CAMK2B: variants seen among roughly 807,000 people sequenced by gnomAD.
The protein encoded by CAMK2B is calcium/calmodulin dependent protein kinase II beta.
A neutral mutation model predicts 93.7 loss-of-function variants in CAMK2B; 27 were observed. The observed-to-expected ratio is 0.29, with a 90% confidence interval of 0.21 to 0.40. The LOEUF (loss-of-function observed/expected upper bound fraction) is 0.40. CAMK2B is among the 10% of genes least tolerant of loss of function. CAMK2B has a pLI of 1.00. For missense variants in CAMK2B, 568 were observed against 895.8 expected (o/e 0.63, Z 4.67); for synonymous variants, 374 against 358.8 (o/e 1.04, Z -0.48).
chr7:44,320,760 G>A (rs1363810691), intron 1 of CAMK2B, among the ~76,000 whole-genome samples: 8 of 152,222 alleles, frequency 5.3e-5, no homozygotes, highest in Admixed American at 5.2e-4. Flanking sequence ...ATCAAGACCA[G>A]GAGGACTCTT....
intron 1 of CAMK2B, among the ~76,000 whole-genome samples, chr7:44,313,912 A>T (rs1563108790): frequency 6.6e-6 from 1 of 151,732 alleles, no homozygotes; most frequent in Non-Finnish European, 1.5e-5. Flanking sequence ...TTGCGAAGAC[A>T]CTTCGCAGCA....
intron 6 of CAMK2B, among the ~76,000 whole-genome samples, chr7:44,244,215 T>G (rs1196413575): frequency 1.3e-5 from 2 of 152,042 alleles, no homozygotes; most frequent in African/African-American, 4.8e-5. Context: ...TATCCACAGG[T>G]TGGGGGGTTA....
intron 4 of CAMK2B, among the ~76,000 whole-genome samples, chr7:44,254,948 A>G (rs1037742569): frequency 2.5e-4 from 38 of 151,648 alleles, no homozygotes; most frequent in Non-Finnish European, 4.1e-4. Context: ...AATTTCAAAG[A>G]TTTGGTGACT....
intron 19 of CAMK2B, among the ~76,000 whole-genome samples, chr7:44,228,222 G>T (rs1259295623): frequency 6.6e-6 from 1 of 152,044 alleles, no homozygotes; most frequent in Admixed American, 6.5e-5. Flanking sequence ...CATGAGGACA[G>T]CCCAGGTCAG....
At chr7:44,285,894 C>T (rs1319485014) in intron 1 of CAMK2B, among the ~76,000 whole-genome samples, 4 of 148,524 alleles carry the variant, frequency 2.7e-5, no homozygotes, top group African/African-American at 1.0e-4. Flanking sequence ...CGGGGGGGCA[C>T]GGTGAGGTGT....
In CAMK2B at chr7:44,263,204, C is replaced by T. The variant is rs2096895004; in HGVS notation, c.161-140G>A. ...GGTTGTGCCCCCACCAAGGGAACAC[C>T]CTTCGTGGCACCCCCTGGGCCACTG... On this transcript the variant is annotated intron_variant, in intron 2 of 23. Coordinates refer to ENST00000395749, the MANE Select transcript of CAMK2B (RefSeq NM_001220.5). The T allele has an allele frequency of 2.3e-5, 16 of 697,446 alleles. No individual in the cohort carries two copies. The South Asian group carries it at 3.7e-4, about 16-fold the overall frequency. The allele number at this position is 697,446 out of a possible 1,614,324, so 43.2% of individuals were successfully genotyped here.
intron 2 of CAMK2B, among the ~76,000 whole-genome samples, chr7:44,283,519 TGA>T (rs1368605446): frequency 1.3e-5 from 2 of 152,216 alleles, no homozygotes; most frequent in Non-Finnish European, 2.9e-5. Context: ...CCTGCACGTC[TGA>T]GAAGCCCTCC....
chr7:44,229,135 T>G lies in CAMK2B; in HGVS notation c.1340-211A>C, dbSNP rs1421043289. The G allele has an allele frequency of 4.7e-6, 3 of 637,522 alleles. No homozygotes were observed. The East Asian group carries it at 8.4e-5, about 18-fold the overall frequency. The allele number at this position is 637,522 out of a possible 1,614,324, so 39.5% of individuals were successfully genotyped here. A position where few individuals can be genotyped will look rare whatever the true frequency, so the allele number is the denominator to read the frequency against. ...CTGCACCGACCCTGAAGACTGGAAT[T>G]GAGGCCCGAGCCTCCAGGGCCTCCC... On this transcript the variant is annotated intron_variant, in intron 18 of 23. Coordinates refer to ENST00000395749, the MANE Select transcript of CAMK2B (RefSeq NM_001220.5).
chr7:44,292,695 A>T (rs557328683), intron 1 of CAMK2B, among the ~76,000 whole-genome samples: 62 of 152,274 alleles, frequency 4.1e-4, no homozygotes, highest in Non-Finnish European at 7.8e-4. Context: ...AACCTATTTG[A>T]CCATAGAAAT....
At chr7:44,272,647 A>C (rs920614781) in intron 2 of CAMK2B, among the ~76,000 whole-genome samples, 7 of 152,218 alleles carry the variant, frequency 4.6e-5, no homozygotes, top group Non-Finnish European at 8.8e-5. Flanking sequence ...ATGAACATGC[A>C]TGACGGAGCT....
chr7:44,222,184 G>C (rs182919816), intron 20 of CAMK2B, among the ~76,000 whole-genome samples: 1 of 152,206 alleles, frequency 6.6e-6, no homozygotes, highest in African/African-American at 2.4e-5. Context: ...ACCCCCAGAA[G>C]TGCACCGGAA....
intron 1 of CAMK2B, among the ~76,000 whole-genome samples, chr7:44,285,484 C>T (rs895200098): frequency 6.6e-6 from 1 of 152,290 alleles, no homozygotes; most frequent in African/African-American, 2.4e-5. Flanking sequence ...AAAGCTTCTT[C>T]GGCCTGGACA....
intron 6 of CAMK2B, among the ~76,000 whole-genome samples, chr7:44,246,784 C>T (rs972932166): frequency 2.0e-5 from 3 of 152,136 alleles, no homozygotes; most frequent in Non-Finnish European, 4.4e-5. Context: ...TATGTACACA[C>T]GAACCTCCAT....
chr7:44,251,848 C>A (rs970280587), intron 5 of CAMK2B, among the ~76,000 whole-genome samples: 1 of 152,150 alleles, frequency 6.6e-6, no homozygotes, highest in Non-Finnish European at 1.5e-5. Context: ...GTTTCTGGAA[C>A]CTGAACAGCC....
chr7:44,274,637 C>T (rs2097014433), intron 2 of CAMK2B, among the ~76,000 whole-genome samples: 1 of 152,248 alleles, frequency 6.6e-6, no homozygotes, highest in South Asian at 2.1e-4. Flanking sequence ...TCTTCTCCTC[C>T]CACCTGTTCA....
At chr7:44,246,068 C>T (rs759726642) in intron 6 of CAMK2B, among the ~76,000 whole-genome samples, 25 of 152,106 alleles carry the variant, frequency 1.6e-4, no homozygotes, top group East Asian at 1.9e-4. Context: ...AACCTTCTTC[C>T]GAACACAGCC....
At chr7:44,308,531 C>T (rs551206184) in intron 1 of CAMK2B, among the ~76,000 whole-genome samples, 1 of 152,198 alleles carries the variant, frequency 6.6e-6, no homozygotes, top group African/African-American at 2.4e-5. Flanking sequence ...TGCATCCCCC[C>T]ACTTCCTTGG....
chr7:44,310,907 A>C (rs2116135967), intron 1 of CAMK2B, among the ~76,000 whole-genome samples: 1 of 152,292 alleles, frequency 6.6e-6, no homozygotes, highest in East Asian at 1.9e-4. Context: ...ACTGCCACTG[A>C]ACTGTACACT....
intron 18 of CAMK2B, 53 bp from the exon 19 acceptor site, chr7:44,228,977 G>A (rs771544071): frequency 1.3e-6 from 2 of 1,588,626 alleles, no homozygotes; most frequent in Admixed American, 3.4e-5. Context: ...ACACGAGGCG[G>A]CGGCAAGGCG....
Sources: gnomAD v4.1 joint callset for allele counts (sites outside exome capture counted in the v4.1 genomes callset) on GRCh38, gnomAD v4.1.1 for gene constraint, MANE v1.5 for transcripts, NCBI Gene and HGNC (gene_info 2026-07-23, HGNC 2026-07-21) for gene names.